UPRT: variants seen among roughly 807,000 people sequenced by gnomAD.
UPRT encodes the protein RP11-311P8.3.
UPRT carries 5 observed loss-of-function variants against 22.6 expected under a neutral mutation model. The observed-to-expected ratio is 0.22, with a 90% CI of 0.12 to 0.47. The LOEUF (loss-of-function observed/expected upper bound fraction) is 0.47. Ranked by LOEUF, UPRT falls within the 20% of genes least tolerant of loss-of-function variation. The pLI is 0.99. For missense variants in UPRT, 181 were observed against 239.9 expected, an observed-to-expected ratio of 0.75 and a Z score of 1.62; for synonymous variants, 77 against 87.7, an observed-to-expected ratio of 0.88 and a Z score of 0.68.
chrX:75,187,326 T>C (rs1471444941), intron 4 of UPRT, among the ~76,000 whole-genome samples: 1 of 111,627 alleles, frequency 9.0e-6, no homozygotes, highest in Non-Finnish European at 1.9e-5. Flanking sequence ...AAAATTCTTT[T>C]CTTTAAGAAT....
chrX:75,264,797 C>T (rs1228574723), intron 4 of UPRT, among the ~76,000 whole-genome samples: 1 of 111,850 alleles, frequency 8.9e-6, no homozygotes, highest in African/African-American at 3.2e-5. Context: ...ATGGTCTCTA[C>T]AGTTTGGCAT....
intron 4 of UPRT, among the ~76,000 whole-genome samples, chrX:75,173,571 G>C (rs1462931083): frequency 3.5e-5 from 4 of 112,773 alleles, no homozygotes; most frequent in African/African-American, 1.3e-4. Context: ...AGGTGGAGCT[G>C]CCTGCCAGTC....
At chrX:75,242,713 A>T (rs774183406) in intron 4 of UPRT, among the ~76,000 whole-genome samples, 5 of 111,190 alleles carry the variant, frequency 4.5e-5, no homozygotes, top group Non-Finnish European at 7.6e-5. Flanking sequence ...GAGATAAAAC[A>T]TATTGCATAG....
chrX:75,282,461 C>G lies in UPRT; in HGVS notation c.386+7821C>G, dbSNP rs1272915123. Among the ~76,000 whole-genome samples the G allele has an allele frequency of 2.7e-5, 3 of 110,480 alleles. No homozygotes were observed. The East Asian group carries it at 8.5e-4, about 31-fold the overall frequency. On this transcript the variant is annotated intron_variant, in intron 1 of 6. Coordinates refer to ENST00000373383, the MANE Select transcript of UPRT (RefSeq NM_145052.4). ...TGCCAGAGGTTTTGGGAGGTTGTGT[C>G]ATTATTTGGGAGGTATGTGTCATTC... is the stretch of plus-strand genomic sequence containing the variant.
intron 1 of UPRT, among the ~76,000 whole-genome samples, chrX:75,283,037 G>T (rs1474071187): frequency 1.8e-5 from 2 of 111,925 alleles, no homozygotes; most frequent in Non-Finnish European, 3.8e-5. Context: ...GTCCCTCTTT[G>T]TCTTTGTTAA....
intron 4 of UPRT, among the ~76,000 whole-genome samples, chrX:75,170,662 T>C (rs1257414731): frequency 2.7e-5 from 3 of 111,706 alleles, no homozygotes; most frequent in African/African-American, 6.5e-5. Flanking sequence ...TGTGTTATTG[T>C]TTTATAGGTC....
At chrX:75,272,358 G>GTGTATATATATATATGTATATATA (rs2082613574), upstream of UPRT, among the ~76,000 whole-genome samples, 3 of 85,590 alleles carry the variant, frequency 3.5e-5, no homozygotes, top group African/African-American at 4.9e-5. Context: ...ATATATATAT[G>GTGTATATATATATATGTATATATA]TGTATATATA....
chrX:75,217,579 A>C (rs1260318042), intron 4 of UPRT, among the ~76,000 whole-genome samples: 1 of 111,877 alleles, frequency 8.9e-6, no homozygotes, highest in Non-Finnish European at 1.9e-5. Context: ...TGTGAATGGG[A>C]GTTCACTCCT....
intron 1 of UPRT, among the ~76,000 whole-genome samples, chrX:75,159,866 T>C (rs1332029406): frequency 1.0e-5 from 1 of 99,706 alleles, no homozygotes; most frequent in Non-Finnish European, 2.0e-5. Context: ...AACTTTCGCC[T>C]CCCGGGTTCA....
chrX:75,287,408 G>A (rs933193081), intron 1 of UPRT, among the ~76,000 whole-genome samples: 23 of 111,567 alleles, frequency 2.1e-4, no homozygotes, highest in African/African-American at 7.1e-4. Context: ...TCTATATCTT[G>A]TGGATAGGTA....
At chrX:75,233,239 A>C (rs1431243176) in intron 4 of UPRT, among the ~76,000 whole-genome samples, 3 of 110,146 alleles carry the variant, frequency 2.7e-5, no homozygotes, top group Non-Finnish European at 5.7e-5. Flanking sequence ...TTAGAGAAAA[A>C]AGAATAAAAA....
At chrX:75,242,461 T>C (rs900196483) in intron 4 of UPRT, among the ~76,000 whole-genome samples, 2 of 110,880 alleles carry the variant, frequency 1.8e-5, no homozygotes, top group Non-Finnish European at 3.8e-5. Context: ...TCATGTGAAA[T>C]ACTATCTAGT....
intron 4 of UPRT, among the ~76,000 whole-genome samples, chrX:75,263,179 C>CT (rs753101243): frequency 9.8e-4 from 109 of 111,321 alleles, no homozygotes; most frequent in African/African-American, 2.8e-3. Flanking sequence ...CTAAAATTCT[C>CT]TTTTTTTTGT....
chrX:75,277,357 A>G (rs910235075), intron 1 of UPRT, among the ~76,000 whole-genome samples: 1 of 111,535 alleles, frequency 9.0e-6, no homozygotes, highest in Non-Finnish European at 1.9e-5. Context: ...ATTATATGTC[A>G]TTAGTCAGAA....
intron 4 of UPRT, among the ~76,000 whole-genome samples, chrX:75,267,084 C>T (rs2082591824): frequency 8.9e-6 from 1 of 111,742 alleles, no homozygotes; most frequent in Admixed American, 9.5e-5. Context: ...CATCCAATTA[C>T]TGGGTATATA....
At chrX:75,164,982 CA>C (rs77814549) in intron 3 of UPRT, among the ~76,000 whole-genome samples, 15,978 of 109,765 alleles carry the variant, frequency 0.15, 1,796 homozygotes, top group East Asian at 0.91. Flanking sequence ...AAATGCTATA[CA>C]AATTTTTTAA....
At chrX:75,163,583 T>C (rs1288333572) in intron 3 of UPRT, among the ~76,000 whole-genome samples, 1 of 111,762 alleles carries the variant, frequency 8.9e-6, no homozygotes, top group African/African-American at 3.3e-5. Context: ...AAACTGGGGT[T>C]GCAGATCAAG....
chrX:75,223,377 G>A (rs1385481142), intron 4 of UPRT, among the ~76,000 whole-genome samples: 2 of 110,957 alleles, frequency 1.8e-5, no homozygotes, highest in Non-Finnish European at 3.8e-5. Flanking sequence ...TGTGCCCCCC[G>A]AGTTTACTGG....
At chrX:75,179,071 A>G (rs1406667397) in intron 4 of UPRT, among the ~76,000 whole-genome samples, 1 of 112,095 alleles carries the variant, frequency 8.9e-6, no homozygotes, top group East Asian at 2.8e-4. Context: ...AGGCCCTACT[A>G]GAGCAGCTAG....
Sources: allele counts gnomAD v4.1 joint callset (sites outside exome capture counted in the v4.1 genomes callset), GRCh38; gene constraint gnomAD v4.1.1; transcripts MANE v1.5; gene names NCBI Gene and HGNC (gene_info 2026-07-23, HGNC 2026-07-21).